KCNN1: variants seen among roughly 807,000 people sequenced by gnomAD.
KCNN1 encodes small conductance calcium-activated potassium channel protein 1.
KCNN1 carries 20 observed loss-of-function variants against 44.7 expected under a neutral mutation model. That is an observed-to-expected ratio of 0.45 (90% CI 0.32 to 0.65). KCNN1 has a LOEUF of 0.65. Among genes scored for constraint, KCNN1 ranks in the 30% least tolerant of loss-of-function variants. The pLI, the probability that KCNN1 is intolerant of heterozygous loss-of-function variation, is 0.05. For synonymous variants in KCNN1, 324 were observed against 341.7 expected (o/e 0.95, Z 0.57); for missense variants, 632 against 785.3 (o/e 0.80, Z 2.33).
intron 9 of KCNN1, among the ~76,000 whole-genome samples, chr19:17,997,601 C>T (rs1394836245): frequency 3.3e-5 from 5 of 152,196 alleles, no homozygotes; most frequent in Non-Finnish European, 5.9e-5. Flanking sequence ...GCCTCATCCC[C>T]CCCGAGTAGC....
intron 3 of KCNN1, among the ~76,000 whole-genome samples, chr19:17,979,432 CAA>C (rs35265456): frequency 1.0e-4 from 5 of 48,790 alleles, no homozygotes; most frequent in Middle Eastern, 0.014. Flanking sequence ...GACTCCGTCT[CAA>C]AAAAAAAAAA....
intron 9 of KCNN1, among the ~76,000 whole-genome samples, chr19:17,994,430 G>T (rs2032911346): frequency 6.7e-6 from 1 of 149,148 alleles, no homozygotes; most frequent in Admixed American, 6.7e-5. Flanking sequence ...CTGGGCAACA[G>T]AGCGAGACCC....
intron 2 of KCNN1, among the ~76,000 whole-genome samples, chr19:17,961,432 A>C (rs2031674976): frequency 6.6e-6 from 1 of 151,808 alleles, no homozygotes; most frequent in African/African-American, 2.4e-5. Flanking sequence ...ACAAAAAGAA[A>C]AGAAAAAGAA....
At chr19:17,953,313 T>G (rs778198507) in intron 1 of KCNN1, among the ~76,000 whole-genome samples, 14 of 152,148 alleles carry the variant, frequency 9.2e-5, no homozygotes, top group Admixed American at 3.3e-4. Context: ...ACCCGCTGAG[T>G]GACCTTGGAC....
rs753262486 is a variant in KCNN1 at position 17,998,225 on chromosome 19, C to T, written c.1451C>T (p.Thr484Ile). ...GAGGAGCTGGAGGCCCGCCTGGCCA[C>T]CCTGGAAAGCCGCTTGGATGCGCTG... ...QHEELEARLA[T>I]LESRLDALGA... The change falls in exon 10 of 10, where the codon ACC becomes ATC. Residue 484 changes from threonine (T) to isoleucine (I), a missense_variant. By Grantham distance (89) the Thr-to-Ile change is moderately conservative. This residue lies in a region of KCNN1 where 237 missense variants were observed against 253.0 expected (regional missense o/e 0.94). Transcript: ENST00000684775. This position sits in a 1 kb window ranked among gnomAD's most constrained non-coding sequence, Gnocchi z 5.4. 2 of 1,581,116 alleles carry T rather than the reference C, an allele frequency of 1.3e-6. No individual in the cohort carries two copies. The highest frequency in any genetic ancestry group is 1.7e-6 in the Non-Finnish European group (2 of 1,165,490).
At position 17,973,914 on chromosome 19, in the gene KCNN1, G is replaced by T; in HGVS notation, c.26G>T (p.Ser9Ile). The change falls in exon 2 of 10, where the codon AGC becomes ATC. Residue 9 changes from serine (S) to isoleucine (I), a missense_variant. Physicochemically the swap from Ser to Ile is moderately radical, Grantham distance 142. Around this residue, in one of 3 missense-constraint regions of KCNN1, gnomAD observed 235 missense variants for 224.0 expected, o/e 1.05. Transcript: ENST00000684775. MNSHSYNG[S>I]VGRPLGSGPG... Reference sequence around the variant, plus strand: ...ATGAACAGCCACAGCTACAATGGCAGCGTGGGGCGGCCGCTGGGCAGCGGG... The same window carrying T: ...ATGAACAGCCACAGCTACAATGGCATCGTGGGGCGGCCGCTGGGCAGCGGG... 1 of 1,554,168 alleles carries T rather than the reference G, an allele frequency of 6.4e-7. No individual in the cohort carries two copies. The highest frequency in any genetic ancestry group is 8.7e-7 in the Non-Finnish European group (1 of 1,151,076).
rs979844838 is a variant in KCNN1, at chr19:17,967,167, G to A, written c.-232G>A. 1.0e-3 allele frequency: 986 copies of A among 945,522 alleles called. 8 individuals carry two copies. The African/African-American group carries it at 0.014, about 13-fold the overall frequency. The allele number at this position is 945,522 out of a possible 1,614,324, so 58.6% of individuals were successfully genotyped here. A position where few individuals can be genotyped will look rare whatever the true frequency, so the allele number is the denominator to read the frequency against. On this transcript the variant is annotated 5_prime_UTR_variant, in exon 1 of 10. Transcript: ENST00000684775. ...GGCGGGGGATGCGCCTGCCGCCGCC[G>A]CCCCCGGCCCCGCCGCCCCCGGGCC...
chr19:17,977,325 C>T (rs2032239042), intron 3 of KCNN1, among the ~76,000 whole-genome samples: 1 of 151,532 alleles, frequency 6.6e-6, no homozygotes, highest in African/African-American at 2.4e-5. Context: ...GGATTAGGGC[C>T]CACTGCAATT....
At chr19:17,973,515 A>C (rs765142328) in intron 1 of KCNN1, among the ~76,000 whole-genome samples, 27 of 152,212 alleles carry the variant, frequency 1.8e-4, no homozygotes, top group Non-Finnish European at 3.4e-4. Context: ...TCCTGAACTC[A>C]AGCGGTCCTT....
At chr19:17,981,172 T>C (rs1012131028) in intron 3 of KCNN1, among the ~76,000 whole-genome samples, 7 of 151,730 alleles carry the variant, frequency 4.6e-5, no homozygotes, top group African/African-American at 1.7e-4. Context: ...ATCGTCTTCA[T>C]GGTGCATGAG....
rs765514045 is a variant in KCNN1, at chr19:17,983,152, CTG to C, written c.917+1026_917+1027del. Among the ~76,000 whole-genome samples the C allele has an allele frequency of 5.3e-5, 8 of 152,126 alleles. No individual in the cohort carries two copies. The highest frequency in any genetic ancestry group is 8.8e-5 in the Non-Finnish European group (6 of 68,006). On this transcript the variant is annotated intron_variant, in intron 4 of 9. Transcript: ENST00000684775. The surrounding 1 kb of genome is among the most constrained non-coding windows in gnomAD (Gnocchi z 4.5). ...TCAACCCGATTTACAGAGAGGGAAA[CTG>C]AGGCTCTGGGGGACAAAGGGACTTG...
upstream of KCNN1, among the ~76,000 whole-genome samples, chr19:17,964,056 G>C (rs113707163): frequency 9.2e-5 from 14 of 152,240 alleles, 1 homozygote; most frequent in African/African-American, 3.4e-4. The surrounding 1 kb of genome is among the most constrained non-coding windows in gnomAD (Gnocchi z 4.3). Flanking sequence ...ATCTCTCTAG[G>C]GTGCTGCATT....
At position 17,952,965 on chromosome 19, in the gene KCNN1, C is replaced by T. The variant is rs142320844; in HGVS notation, c.-203+1556C>T. 1.3e-3 allele frequency among the ~76,000 whole-genome samples: 191 copies of T among 152,282 alleles called. 2 individuals carry two copies. Among genetic ancestry groups the T allele is most frequent in the Admixed American group, 5.8e-3 (88 of 15,294 alleles). ...CTGGTCAGATCCACGAATCCCGGGA[C>T]CCAGCTGGGGAGGTCAGCTTTGGGA... On this transcript the variant is annotated intron_variant, in intron 1 of 10. Transcript: ENST00000222249.
intron 9 of KCNN1, among the ~76,000 whole-genome samples, chr19:17,997,668 C>G (rs2033046354): frequency 1.3e-5 from 2 of 152,112 alleles, no homozygotes; most frequent in African/African-American, 4.8e-5. Context: ...TTAGTGGAGA[C>G]AAAGTTTCAC....
At chr19:17,975,239 C>T in intron 3 of KCNN1, 52 bp downstream of exon 3, 5 of 1,360,162 alleles carry the variant, frequency 3.7e-6, no homozygotes, top group Non-Finnish European at 5.3e-6. Context: ...CCCCAGATCC[C>T]CCCACACCAG....
At chr19:17,984,001 C>CA (rs879290847) in intron 4 of KCNN1, among the ~76,000 whole-genome samples, 209 of 141,450 alleles carry the variant, frequency 1.5e-3, no homozygotes, top group South Asian at 6.9e-3. Flanking sequence ...ACTAAAAATA[C>CA]AAAAAAAAAA....
rs1167431918 is a variant in KCNN1 at position 17,999,837 on chromosome 19, G to C, written c.*1431G>C. 2.7e-6 allele frequency: 1 copy of C among 374,288 alleles called. No individual in the cohort carries two copies. The highest frequency in any genetic ancestry group is 5.4e-6 in the Non-Finnish European group (1 of 184,400). The allele number at this position is 374,288 out of a possible 1,614,324, so 23.2% of individuals were successfully genotyped here. On this transcript the variant is annotated 3_prime_UTR_variant, in exon 10 of 10. Transcript: ENST00000684775. Reference sequence around the variant, plus strand: ...GGCTCAACGAGATAACTAGGCCGTGGCTGGTGCATGAATGACCAGCTTGGG... The same window carrying C: ...GGCTCAACGAGATAACTAGGCCGTGCCTGGTGCATGAATGACCAGCTTGGG...
Position 17,951,817 on chromosome 19 carries a change from C to G in KCNN1, c.-203+408C>G, listed in dbSNP as rs111997727. Among the ~76,000 whole-genome samples, 753 of 152,280 alleles carry G rather than the reference C, an allele frequency of 4.9e-3. 7 individuals are homozygous for G. Among genetic ancestry groups the G allele is most frequent in the African/African-American group, 0.017 (701 of 41,556 alleles). ...GGAGGCTTTAATTGTCTGCCTTCCT[C>G]TCTCCCTGACTCTCTTCTTTCCCGG... On this transcript the variant is annotated intron_variant, in intron 1 of 10. Transcript: ENST00000222249.
chr19:17,959,379 T>C (rs915794010), intron 2 of KCNN1, among the ~76,000 whole-genome samples: 5 of 151,972 alleles, frequency 3.3e-5, no homozygotes, highest in Admixed American at 2.6e-4. Flanking sequence ...TGCCTCAGGC[T>C]CCTGAGTAGC....
Sources: gnomAD v4.1 joint callset for allele counts (sites outside exome capture counted in the v4.1 genomes callset) on GRCh38, gnomAD v4.1.1 for gene constraint, gnomAD v4.1.1 regional missense constraint, Gnocchi (gnomAD v3.1) non-coding constraint, MANE v1.5 for transcripts, NCBI Gene and HGNC (gene_info 2026-07-23, HGNC 2026-07-21) for gene names.